The following DIP2A variants were observed in gnomAD, a reference collection of about 807,000 sequenced individuals.
DIP2A encodes the protein disco-interacting protein 2 homolog A.
Under a neutral mutation model 177.4 loss-of-function variants are expected in DIP2A, and 85 were observed. The observed-to-expected ratio is 0.48, with a 90% CI of 0.40 to 0.57. The LOEUF is 0.57. DIP2A is among the 20% of genes least tolerant of loss of function. DIP2A has a pLI of 0.00. For missense variants in DIP2A, 1,791 were observed against 2,100.2 expected (o/e 0.85, Z 2.88); for synonymous variants, 886 against 881.8 (o/e 1.00, Z -0.08).
Position 46,550,559 on chromosome 21 carries a change from A to G in DIP2A, c.2654A>G (p.His885Arg). 6.2e-7 allele frequency: 1 copy of G among 1,613,176 alleles called. No homozygotes were observed. Among genetic ancestry groups the G allele is most frequent in the South Asian group, 1.1e-5 (1 of 90,860 alleles). The change falls in exon 23 of 38, where the codon CAC (histidine) becomes CGC (arginine). Residue 885 changes from histidine (H) to arginine (R), a missense_variant. Coordinates refer to ENST00000417564, the MANE Select transcript of DIP2A (RefSeq NM_015151.4). ...CCCTTTCAGGCCATTGATAGCATCC[A>G]CCAGGTGGGCGTGTACTGTCTGGCC... is the stretch of plus-strand genomic sequence containing the variant. ...SRVLQAIDSIHQVGVYCLALV... is the reference protein window; with the variant it reads ...SRVLQAIDSIRQVGVYCLALV...
chr21:46,524,338 A>G (rs1477163434), intron 8 of DIP2A, among the ~76,000 whole-genome samples: 1 of 152,154 alleles, frequency 6.6e-6, no homozygotes, highest in African/African-American at 2.4e-5. Flanking sequence ...CTTGCCTTTT[A>G]TTAAGAGGGG....
In DIP2A at chr21:46,498,655, C is replaced by G; in HGVS notation, c.477C>G (p.Ser159Arg). ...GACTCACCTCCACTCCGCTCCAGAG[C>G]CATTCCAGCGTCGAGCCCTGGCTCG... is the stretch of plus-strand genomic sequence containing the variant. ...PGRLTSTPLQ[S>R]HSSVEPWLDR... The change falls in exon 5 of 38, where the codon AGC becomes AGG. Residue 159 changes from serine to arginine, a missense_variant. Coordinates refer to ENST00000417564, the MANE Select transcript of DIP2A (RefSeq NM_015151.4). This position sits in a 1 kb window ranked among gnomAD's most constrained non-coding sequence, Gnocchi z 4.3. 6.2e-7 allele frequency: 1 copy of G among 1,613,782 alleles called. No homozygotes were observed. The highest frequency in any genetic ancestry group is 8.5e-7 in the Non-Finnish European group (1 of 1,179,880).
chr21:46,516,430 A>G (rs1374196016), intron 8 of DIP2A, among the ~76,000 whole-genome samples: 1 of 137,164 alleles, frequency 7.3e-6, no homozygotes, highest in Non-Finnish European at 1.6e-5. Context: ...ATATACTTCA[A>G]TTTGTATATT....
Position 46,459,106 on chromosome 21 carries a change from C to T in DIP2A, c.-26C>T. 6 of 1,466,268 alleles carry T rather than the reference C, an allele frequency of 4.1e-6. No homozygotes were observed. Among genetic ancestry groups the T allele is most frequent in the Non-Finnish European group, 3.6e-6 (4 of 1,112,374 alleles). The allele number at this position is 1,466,268 out of a possible 1,614,324, so 90.8% of individuals were successfully genotyped here. A position where few individuals can be genotyped will look rare whatever the true frequency, so the allele number is the denominator to read the frequency against. Reference sequence around the variant, plus strand: ...GCCAGGCCCGGTCCGGTTCCAGCCTCTGCCCGGACGCTAGCCGGCCTGGCC... The same window carrying T: ...GCCAGGCCCGGTCCGGTTCCAGCCTTTGCCCGGACGCTAGCCGGCCTGGCC... On this transcript the variant is annotated 5_prime_UTR_variant, in exon 1 of 38. Transcript: ENST00000417564.
chr21:46,556,863 C>T lies in DIP2A; in HGVS notation c.3499-76C>T, dbSNP rs2060486974. On this transcript the variant is annotated intron_variant, in intron 29 of 37. Transcript: ENST00000417564. This position sits in a 1 kb window ranked among gnomAD's most constrained non-coding sequence, Gnocchi z 4.5. ...AGCTATGGTCTAGCCATGTGAACAG[C>T]GGACACTGCCATCCACCCTCTCCCC... The T allele has an allele frequency of 9.1e-6, 12 of 1,317,422 alleles. No homozygotes were observed. The highest frequency in any genetic ancestry group is 1.2e-5 in the Non-Finnish European group (12 of 971,404). The allele number at this position is 1,317,422 out of a possible 1,614,324, so 81.6% of individuals were successfully genotyped here.
chr21:46,514,192 TG>T (rs2058441816), intron 8 of DIP2A, among the ~76,000 whole-genome samples: 1 of 152,150 alleles, frequency 6.6e-6, no homozygotes, highest in African/African-American at 2.4e-5. Context: ...CCCAGCACTT[TG>T]GGAGGCCGAG....
intron 1 of DIP2A, chr21:46,462,357 CAGT>C (rs1197103726): frequency 2.6e-5 from 4 of 152,170 alleles, no homozygotes; most frequent in African/African-American, 9.7e-5. Context: ...CTTCTTCACA[CAGT>C]GGTGGGCATC....
Position 46,555,823 on chromosome 21 carries a change from G to A in DIP2A, c.3389-159G>A, listed in dbSNP as rs372707897. On this transcript the variant is annotated intron_variant, in intron 28 of 37. Coordinates refer to ENST00000417564, the MANE Select transcript of DIP2A (RefSeq NM_015151.4). ...TGAAGAATGAAATACGCTTTCCTGA[G>A]CACGCACAGCCTGCATCGTCACGGC... 8 of 663,580 alleles carry A rather than the reference G, an allele frequency of 1.2e-5. No homozygotes were observed. The African/African-American group carries it at 1.4e-4, about 12-fold the overall frequency. 41.1% of individuals were successfully genotyped at this position (663,580 alleles called of 1,614,324 possible).
chr21:46,494,199 G>T (rs934926624), intron 3 of DIP2A, among the ~76,000 whole-genome samples: 4 of 152,172 alleles, frequency 2.6e-5, no homozygotes. Context: ...TTTGGACCCA[G>T]GATTCAAATA....
intron 8 of DIP2A, among the ~76,000 whole-genome samples, chr21:46,525,077 G>A (rs982680974): frequency 6.6e-6 from 1 of 151,592 alleles, no homozygotes; most frequent in African/African-American, 2.4e-5. Context: ...AGTAGAGTCA[G>A]GGTTTCACTG....
At chr21:46,528,333 T>A (rs909113774) in intron 8 of DIP2A, among the ~76,000 whole-genome samples, 5 of 152,052 alleles carry the variant, frequency 3.3e-5, no homozygotes, top group African/African-American at 1.2e-4. Context: ...CTCTTACAAA[T>A]GATGTAATTG....
At chr21:46,511,742 A>G (rs1283210373) in intron 8 of DIP2A, 128 bp downstream of exon 8, 3 of 984,302 alleles carry the variant, frequency 3.0e-6, no homozygotes, top group Middle Eastern at 3.3e-4. Context: ...TAAATAGAAC[A>G]TTGACCTATA....
chr21:46,533,209 A>G (rs1219092092), intron 10 of DIP2A, among the ~76,000 whole-genome samples: 1 of 152,230 alleles, frequency 6.6e-6, no homozygotes, highest in East Asian at 1.9e-4. Flanking sequence ...CAATGCCATT[A>G]ACTTTGGAGT....
At chr21:46,534,814 G>A (rs2839308) in intron 13 of DIP2A, 127 bp downstream of exon 13, 561,778 of 756,854 alleles carry the variant, frequency 0.74, 212,143 homozygotes, top group African/African-American at 0.91. Flanking sequence ...CCATTAATCC[G>A]GGTCATGCCA....
At chr21:46,581,575 C>T in the DIP2A span, among the ~76,000 whole-genome samples, 1 of 152,174 alleles carries the variant, frequency 6.6e-6, no homozygotes, top group Admixed American at 6.5e-5. Context: ...TTTTTCTCAT[C>T]TTTGTGAGCT....
intron 8 of DIP2A, among the ~76,000 whole-genome samples, chr21:46,528,237 C>T (rs189867843): frequency 1.3e-5 from 2 of 152,128 alleles, no homozygotes; most frequent in East Asian, 3.9e-4. Context: ...TTAAATTTAA[C>T]ATATTAAATT....
At chr21:46,562,035 A>G (rs2034667018) in intron 34 of DIP2A, among the ~76,000 whole-genome samples, 1 of 152,158 alleles carries the variant, frequency 6.6e-6, no homozygotes, top group Non-Finnish European at 1.5e-5. Flanking sequence ...GAAAGGGAGA[A>G]GTTCAGGTGC....
chr21:46,541,657 G>A lies in DIP2A; in HGVS notation c.2037-99G>A, dbSNP rs991001473. The A allele has an allele frequency of 2.8e-6, 4 of 1,406,752 alleles. No homozygotes were observed. In the African/African-American group the frequency reaches 4.2e-5, roughly 15 times the overall value. The allele number at this position is 1,406,752 out of a possible 1,614,324, so 87.1% of individuals were successfully genotyped here. The stretch of plus-strand genomic sequence containing the variant: ...TCTCACAAGTCTGTAACATGGAGCA[G>A]TGGCTTTGGTGCAGAATCATGCTGC... On this transcript the variant is annotated intron_variant, in intron 17 of 37. Coordinates refer to ENST00000417564, the MANE Select transcript of DIP2A (RefSeq NM_015151.4).
At chr21:46,517,016 A>G (rs2058612262) in intron 8 of DIP2A, among the ~76,000 whole-genome samples, 1 of 138,404 alleles carries the variant, frequency 7.2e-6, no homozygotes, top group Non-Finnish European at 1.5e-5. Flanking sequence ...TATCTGTATC[A>G]CCTTTGGGTC....
Sources: gnomAD v4.1 joint callset for allele counts (sites outside exome capture counted in the v4.1 genomes callset) on GRCh38, gnomAD v4.1.1 for gene constraint, Gnocchi (gnomAD v3.1) non-coding constraint, MANE v1.5 for transcripts, NCBI Gene and HGNC (gene_info 2026-07-23, HGNC 2026-07-21) for gene names.